PHRF1: variants seen among roughly 807,000 people sequenced by gnomAD.
The protein encoded by PHRF1 is PHD and RING finger domain-containing protein 1.
In PHRF1, 53 loss-of-function variants were observed where a neutral mutation model predicts 128.9. That is an observed-to-expected ratio of 0.41 (90% CI 0.33 to 0.52). The LOEUF is 0.52. Among genes scored for constraint, PHRF1 ranks in the 20% least tolerant of loss-of-function variants. The pLI, the probability that PHRF1 is intolerant of heterozygous loss-of-function variation, is 0.21. For missense variants in PHRF1, 2,503 were observed against 2,284.5 expected, an observed-to-expected ratio of 1.10 and a Z score of -1.95; for synonymous variants, 1,178 against 980.6, an observed-to-expected ratio of 1.20 and a Z score of -3.76.
rs758006045 is a variant in PHRF1, at chr11:609,095, G to A, written c.3639G>A (p.Arg1213=). The A allele has an allele frequency of 1.2e-6, 2 of 1,604,472 alleles. No homozygotes were observed. Among genetic ancestry groups the A allele is most frequent in the East Asian group, 2.2e-5 (1 of 44,710 alleles). The change falls in exon 14 of 18, where the codon CGG becomes CGA. Residue 1213 remains arginine (R), a synonymous_variant. Transcript: ENST00000264555. ...CCCTTGCACAGGGGGAGCCAGGGCG[G>A]GAAGACCTCCCCACCAGGTTGCCAG... ...PAPLAQGEPG[R]EDLPTRLPAL...
At chr11:587,852 A>G (rs532564062) in intron 4 of PHRF1, among the ~76,000 whole-genome samples, 2 of 152,292 alleles carry the variant, frequency 1.3e-5, no homozygotes, top group East Asian at 3.9e-4. Flanking sequence ...CACCGGTACG[A>G]TTTGGCATTC....
At chr11:587,832 A>G (rs536538069) in intron 4 of PHRF1, among the ~76,000 whole-genome samples, 5 of 152,156 alleles carry the variant, frequency 3.3e-5, no homozygotes, top group Non-Finnish European at 5.9e-5. Flanking sequence ...CTCTCAGTTG[A>G]TACAGAAAAC....
intron 14 of PHRF1, 120 bp downstream of exon 14, chr11:609,840 C>T (rs559674435): frequency 2.5e-5 from 16 of 638,218 alleles, no homozygotes; most frequent in East Asian, 5.9e-5. Flanking sequence ...CAGAGCCCCC[C>T]GTGAGTAGGG....
rs772362123 is a variant in PHRF1, at chr11:587,356, T to C, written c.312T>C (p.Asp104=). The C allele has an allele frequency of 6.2e-7, 1 of 1,613,822 alleles. No homozygotes were observed. The highest frequency in any genetic ancestry group is 1.1e-5 in the South Asian group (1 of 91,076). The change falls in exon 4 of 18, where the codon GAT becomes GAC. Residue 104 remains aspartate (D), a synonymous_variant. Coordinates refer to ENST00000264555, the MANE Select transcript of PHRF1 (RefSeq NM_001286581.2). The part of the protein sequence containing the change: ...EAAGSFNSDD[D]AESCPICLNA... ...CTGGCTCTTTCAATTCTGATGATGA[T>C]GCAGAGAGCTGCCCAATCTGTCTCA... is the stretch of plus-strand genomic sequence containing the variant.
intron 2 of PHRF1, 59 bp from the exon 3 acceptor site, chr11:581,903 G>A: frequency 6.6e-7 from 1 of 1,505,726 alleles, no homozygotes; most frequent in South Asian, 1.3e-5. Context: ...AAAGCAACCT[G>A]CTCTCTGCTG....
Position 605,371 on chromosome 11 carries a change from G to A in PHRF1, c.1334+71G>A, listed in dbSNP as rs377336746. ...CTGGGGGCTGTGGGCACGGGGCCCC[G>A]AGGTGCATGCGGAGGCGTTAGGTTT... On this transcript the variant is annotated intron_variant, in intron 11 of 17. Coordinates refer to ENST00000264555, the MANE Select transcript of PHRF1 (RefSeq NM_001286581.2). 750 of 1,571,094 alleles carry A rather than the reference G, an allele frequency of 4.8e-4. 3 individuals carry two copies. In the Middle Eastern group the frequency reaches 0.013, roughly 27 times the overall value.
At chr11:600,980 A>G (rs936782344) in intron 9 of PHRF1, among the ~76,000 whole-genome samples, 4 of 151,770 alleles carry the variant, frequency 2.6e-5, no homozygotes, top group African/African-American at 7.3e-5. Flanking sequence ...AAACAAAACA[A>G]AATAATACAA....
intron 11 of PHRF1, 150 bp from the exon 12 acceptor site, chr11:605,455 G>A (rs1024697193): frequency 7.5e-6 from 11 of 1,460,680 alleles, no homozygotes; most frequent in South Asian, 2.6e-5. Context: ...GGTGGGTGGC[G>A]TGGAACTCAG....
intron 3 of PHRF1, among the ~76,000 whole-genome samples, 155 bp downstream of exon 3, chr11:582,236 G>A (rs937949174): frequency 5.3e-5 from 8 of 151,828 alleles, no homozygotes; most frequent in African/African-American, 1.5e-4. Flanking sequence ...CTGTGGTGAC[G>A]GCTCACTTTA....
chr11:588,055 C>T (rs965053256), intron 4 of PHRF1, among the ~76,000 whole-genome samples: 1 of 152,132 alleles, frequency 6.6e-6, no homozygotes, highest in Non-Finnish European at 1.5e-5. Flanking sequence ...AGTCCCCGAC[C>T]TCTGTACTCA....
intron 5 of PHRF1, among the ~76,000 whole-genome samples, chr11:591,788 C>G (rs1275116501): frequency 2.6e-5 from 4 of 152,180 alleles, no homozygotes; most frequent in African/African-American, 9.7e-5. Flanking sequence ...GCTCTTTCAC[C>G]CAGGCTGGAG....
chr11:603,532 A>G (rs570528926), intron 10 of PHRF1, among the ~76,000 whole-genome samples: 2 of 151,986 alleles, frequency 1.3e-5, no homozygotes, highest in East Asian at 3.9e-4. Context: ...ACGGGGTCTC[A>G]CTGCGTTCCC....
In PHRF1 at chr11:608,980, A is replaced by G; in HGVS notation, c.3524A>G (p.His1175Arg). The G allele has an allele frequency of 1.2e-6, 2 of 1,608,716 alleles. No individual in the cohort carries two copies. The highest frequency in any genetic ancestry group is 1.1e-5 in the South Asian group (1 of 90,612). ...AGCTCGGAGCACAGGGCACGGGAGCACAGGCGGCCTCGGTCCCGTGAGAAG... is the reference window on the plus strand; with the variant it reads ...AGCTCGGAGCACAGGGCACGGGAGCGCAGGCGGCCTCGGTCCCGTGAGAAG... Reference protein sequence around the residue: ...SPSSEHRAREHRRPRSREKWP... With the variant: ...SPSSEHRARERRRPRSREKWP... The change falls in exon 14 of 18, where the codon CAC (histidine) becomes CGC (arginine). Residue 1175 changes from histidine (H) to arginine (R), a missense_variant. Physicochemically the swap from His to Arg is conservative, Grantham distance 29. Coordinates refer to ENST00000264555, the MANE Select transcript of PHRF1 (RefSeq NM_001286581.2).
chr11:584,255 G>C (rs990480639), intron 3 of PHRF1, among the ~76,000 whole-genome samples: 1 of 152,196 alleles, frequency 6.6e-6, no homozygotes, highest in African/African-American at 2.4e-5. Flanking sequence ...CACCAGTTCT[G>C]GCGTTGCCAG....
rs145800608 is a variant in PHRF1, at chr11:601,358, G to A, written c.1025-216G>A. Among the ~76,000 whole-genome samples, 360 of 151,788 alleles carry A rather than the reference G, an allele frequency of 2.4e-3. 3 individuals are homozygous for A. Among genetic ancestry groups the A allele is most frequent in the African/African-American group, 7.9e-3 (326 of 41,312 alleles). ...GCAGGAGAATCACGTGAGCCCAGGA[G>A]TTGGAGGCTGCTGTGAGCTGAGATT... On this transcript the variant is annotated intron_variant, in intron 9 of 17. Coordinates refer to ENST00000264555, the MANE Select transcript of PHRF1 (RefSeq NM_001286581.2).
chr11:598,917 G>T (rs1275221003), intron 9 of PHRF1, among the ~76,000 whole-genome samples: 1 of 152,218 alleles, frequency 6.6e-6, no homozygotes, highest in Non-Finnish European at 1.5e-5. Flanking sequence ...CCCTGTTCAG[G>T]TTTTCAGTCC....
rs753933976 is a variant in PHRF1 at position 598,468 on chromosome 11, G to A, written c.990G>A (p.Thr330=). 1.2e-5 allele frequency: 19 copies of A among 1,610,226 alleles called. No individual in the cohort carries two copies. Among genetic ancestry groups the A allele is most frequent in the East Asian group, 2.2e-5 (1 of 44,870 alleles). The stretch of plus-strand genomic sequence containing the variant: ...CTGCCGTGTATCAGCGCCCCCTGAC[G>A]CCGCGCACTCCCGCCCGACGGAAGA... The part of the protein sequence containing the change: ...LSTAVYQRPL[T]PRTPARRKRK... The change falls in exon 9 of 18, where the codon ACG becomes ACA. Residue 330 remains threonine, a synonymous_variant. Coordinates refer to ENST00000264555, the MANE Select transcript of PHRF1 (RefSeq NM_001286581.2).
chr11:579,254 C>CTCCCCCCCGCCCTGCTTT (rs1854069084), intron 1 of PHRF1, among the ~76,000 whole-genome samples: 2 of 149,428 alleles, frequency 1.3e-5, no homozygotes, highest in African/African-American at 2.5e-5. Flanking sequence ...AGCCCTGCTC[C>CTCCCCCCCGCCCTGCTTT]TCCCCCCAGC....
chr11:581,654 G>A, intron 2 of PHRF1, 48 bp downstream of exon 2: 4 of 1,530,390 alleles, frequency 2.6e-6, no homozygotes, highest in Non-Finnish European at 3.5e-6. Flanking sequence ...GGAGCAGGGT[G>A]CCTGGTGTTT....
Sources: allele counts gnomAD v4.1 joint callset (sites outside exome capture counted in the v4.1 genomes callset), GRCh38; gene constraint gnomAD v4.1.1; transcripts MANE v1.5; gene names NCBI Gene and HGNC (gene_info 2026-07-23, HGNC 2026-07-21).